Variants in PRKG1 observed in about 807,000 individuals in gnomAD.
PRKG1 encodes protein kinase cGMP-dependent 1.
PRKG1 carries 35 observed loss-of-function variants against 88.1 expected under a neutral mutation model. That is an observed-to-expected ratio of 0.40 (90% CI 0.30 to 0.53). PRKG1 has a LOEUF of 0.53. Among genes scored for constraint, PRKG1 ranks in the 20% least tolerant of loss-of-function variants. The pLI, the probability that PRKG1 is intolerant of heterozygous loss-of-function variation, is 0.59. For missense variants in PRKG1, 540 were observed against 839.8 expected, an observed-to-expected ratio of 0.64 and a Z score of 4.41; for synonymous variants, 303 against 292.5, an observed-to-expected ratio of 1.04 and a Z score of -0.37.
rs112239137 is a variant in PRKG1, at chr10:51,445,505, G to A, written c.479-22218G>A. Among the ~76,000 whole-genome samples, 544 of 151,824 alleles carry A rather than the reference G, an allele frequency of 3.6e-3. 2 individuals carry two copies. The highest frequency in any genetic ancestry group is 0.012 in the African/African-American group (503 of 41,454). On this transcript the variant is annotated intron_variant, in intron 2 of 17. Transcript: ENST00000373980. ...TAGTTTACAAAACTTGGTATAATATGCCACATATCAGCTTTAGGTTAAATA... is the reference window on the plus strand; with the variant it reads ...TAGTTTACAAAACTTGGTATAATATACCACATATCAGCTTTAGGTTAAATA...
At chr10:51,300,179 C>T (rs139635177) in intron 2 of PRKG1, among the ~76,000 whole-genome samples, 56 of 152,240 alleles carry the variant, frequency 3.7e-4, no homozygotes, top group African/African-American at 1.1e-3. Flanking sequence ...TCATGGCTTA[C>T]GACAAGTTAT....
At chr10:51,086,463 A>G (rs905575861) in intron 1 of PRKG1, among the ~76,000 whole-genome samples, 2 of 152,194 alleles carry the variant, frequency 1.3e-5, no homozygotes, top group Non-Finnish European at 2.9e-5. Flanking sequence ...GGCACTTAGA[A>G]GCATTATGGA....
In PRKG1 at chr10:51,971,091, G is replaced by C. The variant is rs1589469956; in HGVS notation, c.762+63521G>C. Among the ~76,000 whole-genome samples the C allele has an allele frequency of 3.9e-5, 6 of 151,928 alleles. 1 individual carries two copies. The highest frequency in any genetic ancestry group is 3.9e-4 in the Admixed American group (6 of 15,246). ...TATGATTCTAAACAAAAGAAGAACA[G>C]AGTATTTGGCTGAAAACAAGCAACG... On this transcript the variant is annotated intron_variant, in intron 5 of 17. Transcript: ENST00000373980.
chr10:52,045,448 C>A (rs1436451819), intron 5 of PRKG1, among the ~76,000 whole-genome samples: 1 of 152,040 alleles, frequency 6.6e-6, no homozygotes, highest in Non-Finnish European at 1.5e-5. Flanking sequence ...AGGCAAAGTT[C>A]AAGGTGAAGT....
chr10:51,652,244 C>T (rs1245991545), intron 3 of PRKG1, among the ~76,000 whole-genome samples: 1 of 151,640 alleles, frequency 6.6e-6, no homozygotes, highest in East Asian at 1.9e-4. Context: ...GATATAATAG[C>T]ACTAATGGAA....
intron 2 of PRKG1, among the ~76,000 whole-genome samples, chr10:51,255,829 G>A (rs1038951753): frequency 6.6e-6 from 1 of 152,078 alleles, no homozygotes; most frequent in Non-Finnish European, 1.5e-5. Context: ...GTCACATGAT[G>A]GTGAACGTCA....
chr10:51,735,814 G>GA (rs561848789), intron 3 of PRKG1, among the ~76,000 whole-genome samples: 19 of 145,174 alleles, frequency 1.3e-4, no homozygotes, highest in Non-Finnish European at 2.1e-4. Context: ...TTCTATCCCT[G>GA]GTTGTGTAAC....
intron 5 of PRKG1, among the ~76,000 whole-genome samples, chr10:52,003,907 T>C (rs1172840608): frequency 6.6e-6 from 1 of 152,196 alleles, no homozygotes; most frequent in Non-Finnish European, 1.5e-5. Flanking sequence ...CTCAGCTCCT[T>C]AATCTAGTTA....
intron 3 of PRKG1, among the ~76,000 whole-genome samples, chr10:51,597,078 AG>A (rs1564566579): frequency 6.6e-6 from 1 of 152,210 alleles, no homozygotes; most frequent in Non-Finnish European, 1.5e-5. Flanking sequence ...GGTTAGGAAA[AG>A]TATATTTTTT....
At chr10:51,119,970 C>A (rs1481198395) in intron 1 of PRKG1, among the ~76,000 whole-genome samples, 1 of 152,058 alleles carries the variant, frequency 6.6e-6, no homozygotes, top group Non-Finnish European at 1.5e-5. Context: ...TACAAATGAT[C>A]ACAGGTCCTA....
At chr10:51,940,549 A>T (rs1842885225) in intron 5 of PRKG1, among the ~76,000 whole-genome samples, 1 of 151,864 alleles carries the variant, frequency 6.6e-6, no homozygotes, top group African/African-American at 2.4e-5. Context: ...AAGTTCAAGG[A>T]AAAATGGGCC....
At chr10:52,016,772 G>A (rs1903976) in intron 5 of PRKG1, among the ~76,000 whole-genome samples, 35,691 of 152,046 alleles carry the variant, frequency 0.23, 4,753 homozygotes, top group Admixed American at 0.31. Context: ...GGTGGAAAGA[G>A]ATAGAAAATA....
chr10:51,238,552 A>G (rs1428544104), intron 2 of PRKG1, among the ~76,000 whole-genome samples: 2 of 152,030 alleles, frequency 1.3e-5, no homozygotes, highest in Non-Finnish European at 2.9e-5. Flanking sequence ...ACTGCACTCC[A>G]GCCTTGGCAA....
chr10:51,108,066 A>G (rs1222651042), intron 1 of PRKG1, among the ~76,000 whole-genome samples: 1 of 152,110 alleles, frequency 6.6e-6, no homozygotes, highest in Non-Finnish European at 1.5e-5. Context: ...GAAACAGGTG[A>G]CCTGAACAGC....
At chr10:51,653,599 C>T (rs985853744) in intron 3 of PRKG1, among the ~76,000 whole-genome samples, 5 of 151,958 alleles carry the variant, frequency 3.3e-5, no homozygotes, top group African/African-American at 9.7e-5. Context: ...TAGAGTCTCG[C>T]CCTGTTGCCC....
At position 52,296,267 on chromosome 10, in the gene PRKG1, A is replaced by G. The variant is rs1842380552; in HGVS notation, c.*2367A>G. 1 of 152,084 alleles carries G rather than the reference A, an allele frequency of 6.6e-6. No individual in the cohort carries two copies. Among genetic ancestry groups the G allele is most frequent in the Non-Finnish European group, 1.5e-5 (1 of 67,936 alleles). 9.4% of individuals were successfully genotyped at this position (152,084 alleles called of 1,614,324 possible). A position where few individuals can be genotyped will look rare whatever the true frequency, so the allele number is the denominator to read the frequency against. On this transcript the variant is annotated 3_prime_UTR_variant, in exon 18 of 18. Transcript: ENST00000373980. ...CTATGGTTCAAGTCTAAGACAACCA[A>G]TATGAATAAGTTCAATGGAGAAGGA...
intron 7 of PRKG1, among the ~76,000 whole-genome samples, chr10:52,082,454 T>A (rs1422400008): frequency 2.0e-5 from 3 of 152,132 alleles, no homozygotes; most frequent in Non-Finnish European, 4.4e-5. Flanking sequence ...GGTGATTGCA[T>A]GTTTCTGTGG....
At chr10:51,404,659 A>G (rs968383649) in intron 2 of PRKG1, among the ~76,000 whole-genome samples, 1 of 152,200 alleles carries the variant, frequency 6.6e-6, no homozygotes, top group Non-Finnish European at 1.5e-5. Flanking sequence ...CCCTGAGTGA[A>G]TTCTGTCTGC....
At chr10:51,818,704 T>C (rs1338277958) in intron 4 of PRKG1, among the ~76,000 whole-genome samples, 1 of 152,044 alleles carries the variant, frequency 6.6e-6, no homozygotes, top group Non-Finnish European at 1.5e-5. Context: ...CTGTTTAATA[T>C]TGTTGTAAAA....
Sources: allele counts gnomAD v4.1 joint callset (sites outside exome capture counted in the v4.1 genomes callset), GRCh38; gene constraint gnomAD v4.1.1; transcripts MANE v1.5; gene names NCBI Gene and HGNC (gene_info 2026-07-23, HGNC 2026-07-21).